Variants in KBTBD8 observed in about 807,000 individuals in gnomAD.
KBTBD8 encodes the protein kelch repeat and BTB domain-containing protein 8.
Under a neutral mutation model 53.5 loss-of-function variants are expected in KBTBD8, and 31 were observed. That is an observed-to-expected ratio of 0.58 (90% CI 0.44 to 0.78). The LOEUF is 0.78. KBTBD8 is among the 30% of genes least tolerant of loss of function. The pLI, the probability that KBTBD8 is intolerant of heterozygous loss-of-function variation, is 0.00. For synonymous variants in KBTBD8, 250 were observed against 247.3 expected (o/e 1.01, Z -0.10); for missense variants, 642 against 735.8 (o/e 0.87, Z 1.48).
chr3:67,002,300 A>C (rs1400547837), intron 2 of KBTBD8, among the ~76,000 whole-genome samples: 2 of 152,170 alleles, frequency 1.3e-5, no homozygotes, highest in African/African-American at 2.4e-5. Context: ...ATTACTTATA[A>C]TGGTTAAGGC....
chr3:67,000,259 A>G (rs1211105809), intron 2 of KBTBD8, among the ~76,000 whole-genome samples: 1 of 152,184 alleles, frequency 6.6e-6, no homozygotes, highest in Admixed American at 6.5e-5. Flanking sequence ...TCATTGGACT[A>G]CTAAGTATTA....
Position 66,998,985 on chromosome 3 carries a change from A to G in KBTBD8, c.21A>G (p.Leu7=), listed in dbSNP as rs543297368. The G allele has an allele frequency of 4.4e-6, 7 of 1,598,626 alleles. No individual in the cohort carries two copies. The East Asian group carries it at 1.6e-4, about 36-fold the overall frequency. Residue 7 remains leucine (L), a synonymous_variant, in exon 2 of 4, where the codon TTA becomes TTG. Transcript: ENST00000417314. ...GTACGATTTTTCTCCTCCTAGATTT[A>G]AGTAAGTCTTCCCCAACACCGAATG... MAASAD[L]SKSSPTPNGI...
rs910805266 is a variant in KBTBD8, at chr3:67,011,136, G to T, written c.*2751G>T. ...ATGTGTAGATATTTTTAAACATTTT[G>T]CCATAATTGCACAATTTTTTGCATT... On this transcript the variant is annotated 3_prime_UTR_variant, in exon 4 of 4. Coordinates refer to ENST00000417314, the MANE Select transcript of KBTBD8 (RefSeq NM_032505.3). 4.6e-5 allele frequency: 7 copies of T among 152,408 alleles called. No homozygotes were observed. The highest frequency in any genetic ancestry group is 1.7e-4 in the African/African-American group (7 of 41,368). 9.4% of individuals were successfully genotyped at this position (152,408 alleles called of 1,614,324 possible). A position where few individuals can be genotyped will look rare whatever the true frequency, so the allele number is the denominator to read the frequency against.
chr3:67,001,567 T>TC (rs1317914531), intron 2 of KBTBD8, among the ~76,000 whole-genome samples: 2 of 152,204 alleles, frequency 1.3e-5, no homozygotes, highest in African/African-American at 4.8e-5. Context: ...GGTAATGTCT[T>TC]CCTTTGGGAG....
chr3:67,001,470 A>T (rs1460468079), intron 2 of KBTBD8, among the ~76,000 whole-genome samples: 1 of 152,228 alleles, frequency 6.6e-6, no homozygotes, highest in Non-Finnish European at 1.5e-5. Flanking sequence ...ACTAGAACAG[A>T]GGAAAACTCA....
At position 67,000,044 on chromosome 3, in the gene KBTBD8, A is replaced by G. The variant is rs73836456; in HGVS notation, c.227+853A>G. ...GCTCACTTTAAGCCTTTCAGTATTCACAAGTGGTGCATAAATAATAGTAAA... is the reference window on the plus strand; with the variant it reads ...GCTCACTTTAAGCCTTTCAGTATTCGCAAGTGGTGCATAAATAATAGTAAA... On this transcript the variant is annotated intron_variant, in intron 2 of 3. Coordinates refer to ENST00000417314, the MANE Select transcript of KBTBD8 (RefSeq NM_032505.3). 9.7e-3 allele frequency among the ~76,000 whole-genome samples: 1,478 copies of G among 152,326 alleles called. 16 individuals are homozygous for G. Among genetic ancestry groups the G allele is most frequent in the African/African-American group, 0.033 (1,366 of 41,564 alleles).
Position 66,999,172 on chromosome 3 carries a change from G to A in KBTBD8, c.208G>A (p.Ala70Thr). The A allele has an allele frequency of 6.2e-7, 1 of 1,614,176 alleles. No homozygotes were observed. The highest frequency in any genetic ancestry group is 8.5e-7 in the Non-Finnish European group (1 of 1,179,994). ...TTCCTGTCATAGAAACGTTCTTGCT[G>A]CAATCAGCCCTTACTTCAGGTATGA... ...TFSCHRNVLA[A>T]ISPYFRSMFT... The change falls in exon 2 of 4, where the codon GCA (alanine) becomes ACA (threonine). Residue 70 changes from alanine to threonine, a missense_variant. Physicochemically the swap from Ala to Thr is moderately conservative, Grantham distance 58 (BLOSUM62 0). Transcript: ENST00000417314.
At chr3:67,007,446 G>A (rs1011008634) in intron 3 of KBTBD8, among the ~76,000 whole-genome samples, 16 of 151,580 alleles carry the variant, frequency 1.1e-4, no homozygotes, top group African/African-American at 3.4e-4. Flanking sequence ...AGCCTCCTGA[G>A]TAGCTGGAAT....
Position 67,009,478 on chromosome 3 carries a change from C to T in KBTBD8, c.*1093C>T, listed in dbSNP as rs1263389483. On this transcript the variant is annotated 3_prime_UTR_variant, in exon 4 of 4. Transcript: ENST00000417314. ...ATTCTGCTTTCCAGAAACAAAATTC[C>T]TGCAGTGGTCTAATTTAATGTCTTT... The T allele has an allele frequency of 6.6e-6, 1 of 152,536 alleles. No individual in the cohort carries two copies. The highest frequency in any genetic ancestry group is 2.4e-5 in the African/African-American group (1 of 41,422). The allele number at this position is 152,536 out of a possible 1,614,324, so 9.4% of individuals were successfully genotyped here. A position where few individuals can be genotyped will look rare whatever the true frequency, so the allele number is the denominator to read the frequency against.
chr3:66,998,725 C>T (rs1038761732), intron 1 of KBTBD8, among the ~76,000 whole-genome samples: 1 of 152,174 alleles, frequency 6.6e-6, no homozygotes, highest in African/African-American at 2.4e-5. Context: ...GCGTTTCCTC[C>T]GCGAGCACGG....
At chr3:67,001,355 C>T (rs1002296048) in intron 2 of KBTBD8, among the ~76,000 whole-genome samples, 5 of 152,118 alleles carry the variant, frequency 3.3e-5, no homozygotes, top group Admixed American at 1.3e-4. Flanking sequence ...ACCAGTAACT[C>T]ATCAGAATTG....
chr3:66,999,646 A>G (rs1318648202), intron 2 of KBTBD8, among the ~76,000 whole-genome samples: 3 of 152,262 alleles, frequency 2.0e-5, no homozygotes, highest in Non-Finnish European at 4.4e-5. Context: ...TTTATTGGAC[A>G]GTGCTGATCT....
At chr3:67,006,186 G>A (rs2106760979) in intron 3 of KBTBD8, among the ~76,000 whole-genome samples, 1 of 152,282 alleles carries the variant, frequency 6.6e-6, no homozygotes, top group South Asian at 2.1e-4. Context: ...TGATGAAGCT[G>A]TCTGTGTATG....
At position 67,003,424 on chromosome 3, in the gene KBTBD8, A is replaced by C; in HGVS notation, c.457A>C (p.Ile153Leu). ...CAGTCATTTGGACCCACAGAATTCT[A>C]TTGGGGTCTTTATCTTTGCTGATCA... ...MISHLDPQNS[I>L]GVFIFADHYG... The change falls in exon 3 of 4, where the codon ATT (isoleucine) becomes CTT (leucine). Residue 153 changes from isoleucine to leucine, a missense_variant. By Grantham distance (5) the Ile-to-Leu change is conservative. Transcript: ENST00000417314. 1 of 1,614,068 alleles carries C rather than the reference A, an allele frequency of 6.2e-7. No homozygotes were observed. The highest frequency in any genetic ancestry group is 8.5e-7 in the Non-Finnish European group (1 of 1,179,952).
chr3:66,999,712 T>G (rs1479969860), intron 2 of KBTBD8, among the ~76,000 whole-genome samples: 2 of 152,216 alleles, frequency 1.3e-5, no homozygotes, highest in Non-Finnish European at 2.9e-5. Flanking sequence ...TATGGGACTC[T>G]TTTATAAAAT....
chr3:67,004,444 T>A (rs1029660573), intron 3 of KBTBD8, 135 bp downstream of exon 3: 2 of 820,210 alleles, frequency 2.4e-6, no homozygotes, highest in African/African-American at 3.4e-5. Flanking sequence ...ATTGGAACAG[T>A]CTGTTCTGTA....
At chr3:66,999,610 A>G (rs11920665) in intron 2 of KBTBD8, among the ~76,000 whole-genome samples, 29,069 of 152,176 alleles carry the variant, frequency 0.19, 4,696 homozygotes, top group African/African-American at 0.44. Flanking sequence ...GCAGCACAGA[A>G]ATACAGCATT....
rs1388022402 is a variant in KBTBD8, at chr3:67,011,148, C to A, written c.*2763C>A. 1 of 152,572 alleles carries A rather than the reference C, an allele frequency of 6.6e-6. No homozygotes were observed. The highest frequency in any genetic ancestry group is 1.5e-5 in the Non-Finnish European group (1 of 68,022). 9.5% of individuals were successfully genotyped at this position (152,572 alleles called of 1,614,324 possible). A position where few individuals can be genotyped will look rare whatever the true frequency, so the allele number is the denominator to read the frequency against. ...TTTTAAACATTTTGCCATAATTGCA[C>A]AATTTTTTGCATTTTTACCTGATGT... On this transcript the variant is annotated 3_prime_UTR_variant, in exon 4 of 4. Coordinates refer to ENST00000417314, the MANE Select transcript of KBTBD8 (RefSeq NM_032505.3).
At position 67,008,928 on chromosome 3, in the gene KBTBD8, T is replaced by G. The variant is rs547006521; in HGVS notation, c.*543T>G. On this transcript the variant is annotated 3_prime_UTR_variant, in exon 4 of 4. Coordinates refer to ENST00000417314, the MANE Select transcript of KBTBD8 (RefSeq NM_032505.3). ...AAATGTGTTCTATTATTAGAGTAGATCGAAGAAAAAATTAGTCTCAGAAAG... is the reference window on the plus strand; with the variant it reads ...AAATGTGTTCTATTATTAGAGTAGAGCGAAGAAAAAATTAGTCTCAGAAAG... The G allele has an allele frequency of 6.6e-6, 1 of 152,656 alleles. No individual in the cohort carries two copies. The highest frequency in any genetic ancestry group is 1.5e-5 in the Non-Finnish European group (1 of 68,060). 9.5% of individuals were successfully genotyped at this position (152,656 alleles called of 1,614,324 possible).
Sources: allele counts gnomAD v4.1 joint callset (sites outside exome capture counted in the v4.1 genomes callset), GRCh38; gene constraint gnomAD v4.1.1; transcripts MANE v1.5; gene names NCBI Gene and HGNC (gene_info 2026-07-23, HGNC 2026-07-21).